Variants in GALNT13 observed in about 807,000 individuals in gnomAD.
The protein encoded by GALNT13 is polypeptide N-acetylgalactosaminyltransferase 13, also known as UDP-GalNAc:polypeptide N-acetylgalactosaminyltransferase 13.
GALNT13 carries 28 observed loss-of-function variants against 64.2 expected under a neutral mutation model. That is an observed-to-expected ratio of 0.44 (90% CI 0.32 to 0.60). The LOEUF (loss-of-function observed/expected upper bound fraction) is 0.60, where lower values mean the gene tolerates loss of function less well. Ranked by LOEUF, GALNT13 falls within the 20% of genes least tolerant of loss-of-function variation. The pLI, the probability that GALNT13 is intolerant of heterozygous loss-of-function variation, is 0.05. For synonymous variants in GALNT13, 214 were observed against 224.6 expected, an observed-to-expected ratio of 0.95 and a Z score of 0.42; for missense variants, 577 against 669.8, an observed-to-expected ratio of 0.86 and a Z score of 1.53.
At chr2:153,087,853 C>T in the GALNT13 span, among the ~76,000 whole-genome samples, 1 of 152,102 alleles carries the variant, frequency 6.6e-6, no homozygotes, top group African/African-American at 2.4e-5. Context: ...TTTCGATATT[C>T]TCTCTTCTTT....
chr2:153,950,072 A>AT (rs35096944), intron 3 of GALNT13, among the ~76,000 whole-genome samples: 117,019 of 151,764 alleles, frequency 0.77, 45,539 homozygotes, highest in East Asian at 0.96. Context: ...ACTGCAAAAA[A>AT]ATTGATAAAT....
At chr2:154,450,228 T>A (rs1464631622) in intron 12 of GALNT13, among the ~76,000 whole-genome samples, 183 bp from the exon 13 acceptor site, 1 of 152,066 alleles carries the variant, frequency 6.6e-6, no homozygotes, top group Non-Finnish European at 1.5e-5. Context: ...GATGACTTCA[T>A]AACAGTCAAA....
intron 2 of GALNT13, among the ~76,000 whole-genome samples, chr2:153,927,432 A>G (rs568830707): frequency 6.6e-6 from 1 of 151,924 alleles, no homozygotes; most frequent in South Asian, 2.1e-4. Flanking sequence ...ATCTCGCATT[A>G]TATTTTTCCT....
chr2:153,911,411 A>C (rs1264214312), intron 2 of GALNT13, among the ~76,000 whole-genome samples: 1 of 151,970 alleles, frequency 6.6e-6, no homozygotes, highest in African/African-American at 2.4e-5. Context: ...TCTTATATTC[A>C]ATGTTAGCAT....
intron 2 of GALNT13, among the ~76,000 whole-genome samples, chr2:153,924,524 C>T (rs1315512756): frequency 1.3e-5 from 2 of 151,986 alleles, no homozygotes; most frequent in African/African-American, 2.4e-5. Context: ...TGAACATGTG[C>T]CTTTATGTAT....
chr2:154,165,934 G>C (rs1228783524), intron 4 of GALNT13, among the ~76,000 whole-genome samples: 2 of 152,106 alleles, frequency 1.3e-5, no homozygotes, highest in Non-Finnish European at 2.9e-5. Context: ...GTCACTTTTT[G>C]CTTGACATCT....
At chr2:153,703,553 A>C in the GALNT13 span, among the ~76,000 whole-genome samples, 1 of 151,520 alleles carries the variant, frequency 6.6e-6, no homozygotes, top group African/African-American at 2.4e-5. Context: ...TTCCTTTCTT[A>C]GTACTTCCAA....
At chr2:153,798,826 C>T in the GALNT13 span, among the ~76,000 whole-genome samples, 1 of 152,106 alleles carries the variant, frequency 6.6e-6, no homozygotes, top group East Asian at 1.9e-4. Context: ...TTAGGTTTTA[C>T]TACCTTTTAC....
intron 3 of GALNT13, among the ~76,000 whole-genome samples, chr2:154,002,767 A>C (rs993423564): frequency 2.6e-5 from 4 of 152,030 alleles, no homozygotes; most frequent in Non-Finnish European, 5.9e-5. Context: ...CATCTATTGC[A>C]GTTGTTCTTT....
At chr2:154,014,458 C>T (rs1696859306) in intron 3 of GALNT13, among the ~76,000 whole-genome samples, 1 of 151,692 alleles carries the variant, frequency 6.6e-6, no homozygotes, top group Non-Finnish European at 1.5e-5. Context: ...CGCTTCAGTC[C>T]AGTATCTTCA....
At chr2:154,131,370 C>G (rs920726302) in intron 3 of GALNT13, among the ~76,000 whole-genome samples, 1 of 152,016 alleles carries the variant, frequency 6.6e-6, no homozygotes, top group Non-Finnish European at 1.5e-5. Context: ...GAAACAAGGA[C>G]CTTGCTACTT....
intron 4 of GALNT13, among the ~76,000 whole-genome samples, chr2:154,170,709 A>G (rs1685299957): frequency 6.6e-6 from 1 of 152,198 alleles, no homozygotes; most frequent in African/African-American, 2.4e-5. Context: ...AAAATATGCA[A>G]AAATATACAT....
the GALNT13 span, among the ~76,000 whole-genome samples, chr2:153,145,188 G>A: frequency 6.6e-6 from 1 of 151,818 alleles, no homozygotes; most frequent in Non-Finnish European, 1.5e-5. Context: ...TAAGTGTATG[G>A]ATTGGTGACT....
At chr2:154,378,700 C>A (rs1409863359) in intron 9 of GALNT13, among the ~76,000 whole-genome samples, 1 of 151,916 alleles carries the variant, frequency 6.6e-6, no homozygotes, top group East Asian at 1.9e-4. Context: ...GGCTCTGCTT[C>A]TATTAAATTT....
intron 3 of GALNT13, among the ~76,000 whole-genome samples, chr2:153,947,947 C>G (rs1203846680): frequency 6.6e-6 from 1 of 152,024 alleles, no homozygotes; most frequent in African/African-American, 2.4e-5. Flanking sequence ...AATCCTTTCC[C>G]CATTGCTTAT....
chr2:153,502,718 TC>T, the GALNT13 span, among the ~76,000 whole-genome samples: 1 of 152,250 alleles, frequency 6.6e-6, no homozygotes, highest in Non-Finnish European at 1.5e-5. Context: ...GTAAAAGTGT[TC>T]TTTATTCACT....
At chr2:154,035,529 A>G (rs922591219) in intron 3 of GALNT13, among the ~76,000 whole-genome samples, 9 of 152,038 alleles carry the variant, frequency 5.9e-5, no homozygotes, top group African/African-American at 2.2e-4. Context: ...TGTATGATTA[A>G]TTAGTCATTT....
intron 3 of GALNT13, among the ~76,000 whole-genome samples, chr2:154,123,281 A>AT (rs902148286): frequency 2.6e-5 from 4 of 151,876 alleles, no homozygotes; most frequent in African/African-American, 9.7e-5. Context: ...TTGAGAAAGT[A>AT]TTTTTTTGTT....
chr2:153,454,587 C>T, the GALNT13 span, among the ~76,000 whole-genome samples: 2 of 152,202 alleles, frequency 1.3e-5, no homozygotes, highest in Non-Finnish European at 2.9e-5. Context: ...TGGGATCCTA[C>T]AATGCATTCA....
Sources: allele counts gnomAD v4.1 joint callset (sites outside exome capture counted in the v4.1 genomes callset), GRCh38; gene constraint gnomAD v4.1.1; transcripts MANE v1.5; gene names NCBI Gene and HGNC (gene_info 2026-07-23, HGNC 2026-07-21).